Variants in RPS6KC1 observed in about 807,000 individuals in gnomAD.
RPS6KC1 encodes inactive ribosomal protein S6 kinase delta-1.
RPS6KC1 carries 54 observed loss-of-function variants against 103.8 expected under a neutral mutation model. The observed-to-expected ratio is 0.52, with a 90% confidence interval of 0.42 to 0.65. RPS6KC1 has a LOEUF of 0.65. RPS6KC1 is among the 30% of genes least tolerant of loss of function. The pLI is 0.00. For synonymous variants in RPS6KC1, 439 were observed against 438.7 expected, an observed-to-expected ratio of 1.00 and a Z score of -0.01; for missense variants, 1,151 against 1,253.8, an observed-to-expected ratio of 0.92 and a Z score of 1.24.
intron 6 of RPS6KC1, among the ~76,000 whole-genome samples, chr1:213,155,340 C>T (rs560624354): frequency 7.2e-5 from 11 of 152,266 alleles, no homozygotes; most frequent in East Asian, 1.9e-4. Flanking sequence ...AAGTTGCAGT[C>T]CTTATGGCCT....
At chr1:213,132,818 C>G (rs994398606) in intron 6 of RPS6KC1, among the ~76,000 whole-genome samples, 1 of 152,156 alleles carries the variant, frequency 6.6e-6, no homozygotes. Context: ...AATAATCTTT[C>G]AGAGCTAAGT....
At chr1:213,545,003 C>T in the RPS6KC1 span, among the ~76,000 whole-genome samples, 2 of 152,162 alleles carry the variant, frequency 1.3e-5, no homozygotes, top group Non-Finnish European at 2.9e-5. Flanking sequence ...TGTCTTCTCT[C>T]ACAGTTTTGG....
chr1:213,080,193 C>T (rs879896229), intron 3 of RPS6KC1, among the ~76,000 whole-genome samples: 12 of 152,100 alleles, frequency 7.9e-5, no homozygotes, highest in Admixed American at 4.6e-4. Context: ...GCTGGGATTA[C>T]AGGCGTGAGC....
At chr1:213,328,515 T>C in the RPS6KC1 span, among the ~76,000 whole-genome samples, 1 of 48,520 alleles carries the variant, frequency 2.1e-5, no homozygotes, top group Non-Finnish European at 4.2e-5. Context: ...TATATATATA[T>C]ATATATATAT....
the RPS6KC1 span, among the ~76,000 whole-genome samples, chr1:213,782,542 A>G: frequency 6.6e-6 from 1 of 152,162 alleles, no homozygotes; most frequent in Admixed American, 6.5e-5. Context: ...CGTAGCTCCA[A>G]AGCAAGCAGT....
chr1:213,738,591 T>C, the RPS6KC1 span, among the ~76,000 whole-genome samples: 1 of 152,128 alleles, frequency 6.6e-6, no homozygotes, highest in African/African-American at 2.4e-5. Context: ...TGTGTAAATA[T>C]ATAAATATAT....
rs1320947316 is a variant in RPS6KC1, at chr1:213,152,013, C to T, written c.836-15845C>T. On this transcript the variant is annotated intron_variant, in intron 6 of 14. Transcript: ENST00000366960. Reference sequence around the variant, plus strand: ...CCCAGTAGGGGTGGCCGGGCAGAGGCGCCCCTCACCTCCCGGACGGGGCAG... The same window carrying T: ...CCCAGTAGGGGTGGCCGGGCAGAGGTGCCCCTCACCTCCCGGACGGGGCAG... 5.3e-5 allele frequency among the ~76,000 whole-genome samples: 7 copies of T among 132,570 alleles called. No individual in the cohort carries two copies. In the East Asian group the frequency reaches 9.7e-4, roughly 18 times the overall value. 87.0% of individuals were successfully genotyped at this position (132,570 alleles called of 152,430 possible).
At chr1:213,360,601 G>A in the RPS6KC1 span, among the ~76,000 whole-genome samples, 1 of 152,182 alleles carries the variant, frequency 6.6e-6, no homozygotes, top group South Asian at 2.1e-4. Context: ...TGATGGTGAG[G>A]AGCTGCGTTC....
At chr1:213,348,307 T>A in the RPS6KC1 span, among the ~76,000 whole-genome samples, 311 of 152,306 alleles carry the variant, frequency 2.0e-3, no homozygotes, top group African/African-American at 6.9e-3. Flanking sequence ...AGGACTGTGA[T>A]AATAAACATA....
At chr1:213,407,087 G>T in the RPS6KC1 span, among the ~76,000 whole-genome samples, 3 of 152,112 alleles carry the variant, frequency 2.0e-5, no homozygotes, top group Non-Finnish European at 4.4e-5. Context: ...CCTACCCGGA[G>T]GCCTGACATC....
At chr1:213,782,984 A>G in the RPS6KC1 span, among the ~76,000 whole-genome samples, 34 of 152,266 alleles carry the variant, frequency 2.2e-4, no homozygotes, top group Middle Eastern at 3.4e-3. Flanking sequence ...GCTGTAACTC[A>G]CCATTTCGGA....
the RPS6KC1 span, among the ~76,000 whole-genome samples, chr1:213,532,487 A>G: frequency 6.6e-6 from 1 of 152,242 alleles, no homozygotes; most frequent in Non-Finnish European, 1.5e-5. Flanking sequence ...ATCAGGGAAC[A>G]ACACTGAAGA....
At chr1:213,543,206 G>C in the RPS6KC1 span, among the ~76,000 whole-genome samples, 1 of 152,200 alleles carries the variant, frequency 6.6e-6, no homozygotes, top group Non-Finnish European at 1.5e-5. Context: ...GGTTGGGCTT[G>C]GCTGTGAGGA....
the RPS6KC1 span, among the ~76,000 whole-genome samples, chr1:213,624,710 T>A: frequency 2.6e-5 from 4 of 152,178 alleles, no homozygotes; most frequent in Admixed American, 2.6e-4. Flanking sequence ...CTGAGGAGGC[T>A]TCTGGACCTG....
At chr1:213,347,615 A>C in the RPS6KC1 span, among the ~76,000 whole-genome samples, 1 of 152,270 alleles carries the variant, frequency 6.6e-6, no homozygotes, top group Middle Eastern at 3.4e-3. Context: ...GAGGCAAGAG[A>C]ATCACTTGAG....
chr1:213,207,787 C>A (rs773386888), intron 8 of RPS6KC1, among the ~76,000 whole-genome samples: 3 of 152,138 alleles, frequency 2.0e-5, no homozygotes, highest in Admixed American at 6.5e-5. Context: ...GATTCTCCTG[C>A]CTCAGGCTCC....
chr1:213,545,146 A>T, the RPS6KC1 span, among the ~76,000 whole-genome samples: 1 of 152,096 alleles, frequency 6.6e-6, no homozygotes, highest in Non-Finnish European at 1.5e-5. Context: ...TGGGCGGATC[A>T]TCTGAGGTCA....
At chr1:213,773,630 T>G in the RPS6KC1 span, among the ~76,000 whole-genome samples, 185 of 151,670 alleles carry the variant, frequency 1.2e-3, no homozygotes, top group Middle Eastern at 6.9e-3. Flanking sequence ...ATGTTTGTGG[T>G]GACTGGCAAG....
the RPS6KC1 span, among the ~76,000 whole-genome samples, chr1:213,523,384 G>T: frequency 6.6e-6 from 1 of 152,194 alleles, no homozygotes; most frequent in African/African-American, 2.4e-5. Flanking sequence ...ACAGAGACAT[G>T]AAATGAGCCC....
Sources: allele counts gnomAD v4.1 joint callset (sites outside exome capture counted in the v4.1 genomes callset), GRCh38; gene constraint gnomAD v4.1.1; transcripts MANE v1.5; gene names NCBI Gene and HGNC (gene_info 2026-07-23, HGNC 2026-07-21).